Variants in DNA2 observed in about 807,000 individuals in gnomAD.
The protein encoded by DNA2 is DNA replication ATP-dependent helicase/nuclease DNA2.
DNA2 carries 101 observed loss-of-function variants against 119.1 expected under a neutral mutation model. The observed-to-expected ratio is 0.85, with a 90% CI of 0.72 to 1.00. DNA2 has a LOEUF of 1.00. DNA2 is among the 50% of genes least tolerant of loss of function. The pLI, the probability that DNA2 is intolerant of heterozygous loss-of-function variation, is 0.00. For synonymous variants in DNA2, 366 were observed against 424.4 expected (o/e 0.86, Z 1.69); for missense variants, 1,121 against 1,255.5 (o/e 0.89, Z 1.62).
chr10:68,464,430 G>A (rs2052300115), intron 4 of DNA2, among the ~76,000 whole-genome samples: 1 of 151,850 alleles, frequency 6.6e-6, no homozygotes, highest in Admixed American at 6.6e-5. Flanking sequence ...CAGGAAAATT[G>A]CTTGAACCCG....
chr10:68,441,951 A>T (rs1251202744), intron 9 of DNA2, among the ~76,000 whole-genome samples: 2 of 151,876 alleles, frequency 1.3e-5, no homozygotes, highest in Non-Finnish European at 2.9e-5. Flanking sequence ...TTTTTGAGTC[A>T]AGGTCTGGCT....
intron 3 of DNA2, among the ~76,000 whole-genome samples, chr10:68,467,199 C>T (rs1176558887): frequency 3.3e-5 from 5 of 151,986 alleles, no homozygotes; most frequent in African/African-American, 1.2e-4. Flanking sequence ...CTGCAACCTC[C>T]GCCTCCAGGG....
At chr10:68,451,659 G>T (rs551471201) in intron 5 of DNA2, among the ~76,000 whole-genome samples, 131 of 152,116 alleles carry the variant, frequency 8.6e-4, no homozygotes, top group African/African-American at 2.9e-3. Context: ...TTTAAAAATA[G>T]AATAATTCTA....
intron 8 of DNA2, among the ~76,000 whole-genome samples, chr10:68,443,380 A>G (rs1248213929): frequency 6.6e-6 from 1 of 152,220 alleles, no homozygotes; most frequent in Non-Finnish European, 1.5e-5. Context: ...TCATTCCCAT[A>G]TGCAACAAGT....
chr10:68,466,727 C>T (rs1429874996), intron 3 of DNA2, among the ~76,000 whole-genome samples: 1 of 151,864 alleles, frequency 6.6e-6, no homozygotes, highest in Non-Finnish European at 1.5e-5. Context: ...TACAGGCGCC[C>T]GCCACCACAC....
intron 9 of DNA2, among the ~76,000 whole-genome samples, chr10:68,441,189 G>A (rs564945061): frequency 1.1e-4 from 16 of 151,340 alleles, no homozygotes; most frequent in Non-Finnish European, 2.1e-4. Context: ...AGTTAGCCAA[G>A]TTTGGTGGTG....
At chr10:68,446,250 T>TG (rs773069904) in intron 7 of DNA2, 46 bp downstream of exon 7, 10 of 960,770 alleles carry the variant, frequency 1.0e-5, no homozygotes, top group African/African-American at 1.7e-5. Context: ...GAAGCTGAAG[T>TG]GGGGGGGTGG....
At chr10:68,423,881 C>A (rs1414999776) in intron 14 of DNA2, among the ~76,000 whole-genome samples, 1 of 152,302 alleles carries the variant, frequency 6.6e-6, no homozygotes, top group East Asian at 1.9e-4. Flanking sequence ...TGAGGTGGTA[C>A]CCCTCTTCCC....
intron 4 of DNA2, among the ~76,000 whole-genome samples, chr10:68,460,589 G>C (rs904788217): frequency 6.6e-6 from 1 of 151,748 alleles, no homozygotes; most frequent in African/African-American, 2.4e-5. Flanking sequence ...TGTATTTTTA[G>C]TAAAGACGGG....
rs868627318 is a variant in DNA2, at chr10:68,427,535, G to T, written c.2208+2901C>A. On this transcript the variant is annotated intron_variant, in intron 14 of 20. Transcript: ENST00000358410. ...GGTGGTACATGCCTGTATAGTTCTAGTTACTCAGGAGGCTGAGGCAGAAAG... is the reference window on the plus strand; with the variant it reads ...GGTGGTACATGCCTGTATAGTTCTATTTACTCAGGAGGCTGAGGCAGAAAG... 3.3e-5 allele frequency among the ~76,000 whole-genome samples: 5 copies of T among 151,676 alleles called. No individual in the cohort carries two copies. In the Middle Eastern group the frequency reaches 0.017, roughly 519 times the overall value.
In DNA2 at chr10:68,414,987, A is replaced by T; in HGVS notation, c.*52T>A. ...TGGTGATAGAATTTTCTGTATGGGC[A>T]CTAGCTAGAGGAGATACTGCCCTAG... On this transcript the variant is annotated 3_prime_UTR_variant, in exon 21 of 21. Coordinates refer to ENST00000358410, the MANE Select transcript of DNA2 (RefSeq NM_001080449.3). 9.4e-7 allele frequency: 1 copy of T among 1,059,626 alleles called. No homozygotes were observed. The allele number at this position is 1,059,626 out of a possible 1,614,324, so 65.6% of individuals were successfully genotyped here.
At chr10:68,472,088 C>T (rs535689087), upstream of DNA2, 1 of 1,561,316 alleles carries the variant, frequency 6.4e-7, no homozygotes, top group African/African-American at 1.4e-5. Flanking sequence ...GCCTTTGCTC[C>T]CTTGCTTAGG....
In DNA2 at chr10:68,422,340, C is replaced by G. The variant is rs1273802326; in HGVS notation, c.2582G>C (p.Arg861Pro). 3.7e-6 allele frequency: 6 copies of G among 1,613,698 alleles called. No homozygotes were observed. Among genetic ancestry groups the G allele is most frequent in the Non-Finnish European group, 4.2e-6 (5 of 1,179,844 alleles). ...DKVANAVINLRHFKDVKLELE... is the reference protein window; with the variant it reads ...DKVANAVINLPHFKDVKLELE... ...TTCCAGCTTCACATCTTTAAAGTGA[C>G]GTAGGTTTATCACTGCATTGGCCAC... is the stretch of plus-strand genomic sequence containing the variant. The change falls in exon 17 of 21, where the codon CGT becomes CCT. Residue 861 changes from arginine (R) to proline (P), a missense_variant. Physicochemically the swap from Arg to Pro is moderately radical, Grantham distance 103 (BLOSUM62 -2). Coordinates refer to ENST00000358410, the MANE Select transcript of DNA2 (RefSeq NM_001080449.3).
intron 8 of DNA2, among the ~76,000 whole-genome samples, chr10:68,444,146 C>T (rs2052006300): frequency 2.6e-5 from 4 of 151,882 alleles, no homozygotes; most frequent in African/African-American, 9.7e-5. Flanking sequence ...AATCCCAGCA[C>T]TTTGGGAGGC....
intron 13 of DNA2, 103 bp from the exon 14 acceptor site, chr10:68,430,763 G>C: frequency 1.1e-6 from 1 of 915,160 alleles, no homozygotes; most frequent in Non-Finnish European, 1.6e-6. Context: ...TAAGAGCTGA[G>C]CCAAGTAAAA....
chr10:68,454,864 A>AG (rs1554908403), intron 5 of DNA2, among the ~76,000 whole-genome samples: 2 of 151,656 alleles, frequency 1.3e-5, no homozygotes, highest in Non-Finnish European at 2.9e-5. Context: ...AGGAGGAAGG[A>AG]GGGGGAAAAA....
chr10:68,422,460 T>A, intron 16 of DNA2, 31 bp from the exon 17 acceptor site: 2 of 1,612,586 alleles, frequency 1.2e-6, no homozygotes, highest in Non-Finnish European at 1.7e-6. Context: ...AACTTTAGTT[T>A]TGGTAGATGG....
intron 10 of DNA2, among the ~76,000 whole-genome samples, chr10:68,433,136 ACTC>A (rs969448924): frequency 5.9e-5 from 9 of 151,658 alleles, no homozygotes; most frequent in South Asian, 2.1e-4. Context: ...TCAAAGCAGA[ACTC>A]CTCCTCATCC....
chr10:68,415,383 T>C (rs1247116779), intron 20 of DNA2, among the ~76,000 whole-genome samples: 1 of 151,944 alleles, frequency 6.6e-6, no homozygotes, highest in Non-Finnish European at 1.5e-5. Context: ...TTCAAGAGAT[T>C]CTCCTGCCTC....
Sources: allele counts gnomAD v4.1 joint callset (sites outside exome capture counted in the v4.1 genomes callset), GRCh38; gene constraint gnomAD v4.1.1; transcripts MANE v1.5; gene names NCBI Gene and HGNC (gene_info 2026-07-23, HGNC 2026-07-21).